MAN1C1: variants seen among roughly 807,000 people sequenced by gnomAD.
MAN1C1 encodes mannosyl-oligosaccharide 1,2-alpha-mannosidase IC.
Under a neutral mutation model 71.5 loss-of-function variants are expected in MAN1C1, and 49 were observed. The observed-to-expected ratio is 0.69, with a 90% CI of 0.54 to 0.87. The LOEUF (loss-of-function observed/expected upper bound fraction) is 0.87, where lower values mean the gene tolerates loss of function less well. Among genes scored for constraint, MAN1C1 ranks in the 40% least tolerant of loss-of-function variants. The pLI, the probability that MAN1C1 is intolerant of heterozygous loss-of-function variation, is 0.00. For missense variants in MAN1C1, 743 were observed against 835.0 expected, an observed-to-expected ratio of 0.89 and a Z score of 1.36; for synonymous variants, 352 against 343.7, an observed-to-expected ratio of 1.02 and a Z score of -0.27.
In MAN1C1 at chr1:25,769,343, C is replaced by T. The variant is rs1300398004; in HGVS notation, c.1142-2314C>T. Among the ~76,000 whole-genome samples the T allele has an allele frequency of 6.6e-6, 1 of 151,152 alleles. No individual in the cohort carries two copies. Among genetic ancestry groups the T allele is most frequent in the African/African-American group, 2.5e-5 (1 of 40,802 alleles). ...CCCATACACCTACATACACCACACA[C>T]ATTCATTCACCACACATACACACTC... On this transcript the variant is annotated intron_variant, in intron 7 of 11. Transcript: ENST00000374332. This position sits in a 1 kb window ranked among gnomAD's most constrained non-coding sequence, Gnocchi z 4.8.
At chr1:25,644,743 A>T (rs1181459865) in intron 1 of MAN1C1, 2 of 150,796 alleles carry the variant, frequency 1.3e-5, no homozygotes, top group Non-Finnish European at 2.9e-5. Context: ...CTGGTTTTGA[A>T]CTCTTGGGCT....
At chr1:25,762,554 G>A (rs1273607624) in intron 6 of MAN1C1, among the ~76,000 whole-genome samples, 1 of 151,914 alleles carries the variant, frequency 6.6e-6, no homozygotes, top group Non-Finnish European at 1.5e-5. Context: ...CACCTCCAGA[G>A]TAGCTAAGAT....
At chr1:25,677,594 C>G (rs942151922) in intron 1 of MAN1C1, among the ~76,000 whole-genome samples, 3 of 152,128 alleles carry the variant, frequency 2.0e-5, no homozygotes, top group Non-Finnish European at 4.4e-5. Context: ...TTTCCCCAGT[C>G]AGCTACTGCA....
chr1:25,705,172 A>G (rs2046503585), intron 2 of MAN1C1, among the ~76,000 whole-genome samples: 1 of 152,276 alleles, frequency 6.6e-6, no homozygotes, highest in South Asian at 2.1e-4. Context: ...ACAAACAAGA[A>G]CCAGAAGGAA....
chr1:25,691,944 C>T (rs573357768), intron 2 of MAN1C1, among the ~76,000 whole-genome samples: 1 of 152,132 alleles, frequency 6.6e-6, no homozygotes, highest in Admixed American at 6.5e-5. Flanking sequence ...CTGTGTAGTC[C>T]GTGAGAAATT....
intron 1 of MAN1C1, among the ~76,000 whole-genome samples, chr1:25,661,508 C>T (rs182340789): frequency 6.6e-6 from 1 of 152,338 alleles, no homozygotes; most frequent in East Asian, 1.9e-4. Context: ...TGCTCTCCCC[C>T]ACCGAGGGTG....
chr1:25,672,294 G>A (rs894364047), intron 1 of MAN1C1, among the ~76,000 whole-genome samples: 6 of 152,188 alleles, frequency 3.9e-5, no homozygotes, highest in African/African-American at 7.2e-5. Context: ...TACATTGGGC[G>A]AGGGCGGGCC....
intron 2 of MAN1C1, among the ~76,000 whole-genome samples, chr1:25,690,485 G>T (rs2046294162): frequency 1.3e-5 from 2 of 152,152 alleles, no homozygotes; most frequent in Non-Finnish European, 2.9e-5. Context: ...TAGAGACGGG[G>T]TTTCACCATG....
At chr1:25,684,182 G>A (rs1485445416) in intron 1 of MAN1C1, among the ~76,000 whole-genome samples, 5 of 148,278 alleles carry the variant, frequency 3.4e-5, no homozygotes, top group South Asian at 4.3e-4. Context: ...GCTTGCCCCC[G>A]CCAGCCCCCC....
rs1230003245 is a variant in MAN1C1 at position 25,733,594 on chromosome 1, G to A, written c.638-13074G>A. On this transcript the variant is annotated intron_variant, in intron 2 of 11. Coordinates refer to ENST00000374332, the MANE Select transcript of MAN1C1 (RefSeq NM_020379.4). ...CACTCTGTTTTTCTGCATCACACAC[G>A]TTACATTTAGATGTGTCTCTGTGTG... 2.6e-5 allele frequency among the ~76,000 whole-genome samples: 4 copies of A among 151,928 alleles called. No individual in the cohort carries two copies. The South Asian group carries it at 6.2e-4, about 24-fold the overall frequency.
chr1:25,660,396 C>CTTTTTTTTT (rs1178878513), intron 1 of MAN1C1, among the ~76,000 whole-genome samples: 2 of 97,602 alleles, frequency 2.0e-5, no homozygotes, highest in African/African-American at 4.8e-5. Flanking sequence ...AGTGAAATTC[C>CTTTTTTTTT]TTTTTTTTTT....
At chr1:25,780,033 G>A (rs1366360840) in intron 9 of MAN1C1, among the ~76,000 whole-genome samples, 1 of 152,094 alleles carries the variant, frequency 6.6e-6, no homozygotes, top group Non-Finnish European at 1.5e-5. Context: ...CCTAGGAGAG[G>A]CATCAGACAC....
intron 2 of MAN1C1, among the ~76,000 whole-genome samples, chr1:25,707,976 C>G (rs886633031): frequency 2.6e-5 from 4 of 152,186 alleles, no homozygotes; most frequent in Non-Finnish European, 4.4e-5. Flanking sequence ...TGTAGGAGAG[C>G]AGCTGTTTGC....
At chr1:25,731,414 A>C (rs1475949987) in intron 2 of MAN1C1, among the ~76,000 whole-genome samples, 1 of 152,194 alleles carries the variant, frequency 6.6e-6, no homozygotes, top group Non-Finnish European at 1.5e-5. Flanking sequence ...GTCCATTTAC[A>C]TTTAAGGAAA....
intron 6 of MAN1C1, 149 bp downstream of exon 6, chr1:25,758,858 A>T (rs889364835): frequency 1.4e-6 from 1 of 707,872 alleles, no homozygotes; most frequent in Non-Finnish European, 2.5e-6. Context: ...TAAGGTAGCA[A>T]ATAGTAGCTA....
At chr1:25,648,888 G>A (rs1180466242) in intron 1 of MAN1C1, among the ~76,000 whole-genome samples, 1 of 152,210 alleles carries the variant, frequency 6.6e-6, no homozygotes, top group African/African-American at 2.4e-5. Context: ...CAAGAGCAAA[G>A]AGAAGGGAAG....
intron 8 of MAN1C1, 115 bp downstream of exon 8, chr1:25,771,887 C>A: frequency 1.4e-6 from 1 of 736,438 alleles, no homozygotes. Flanking sequence ...TTGCTCCCAC[C>A]CCCTGCAATG....
chr1:25,653,692 G>C (rs1418867791), intron 1 of MAN1C1, among the ~76,000 whole-genome samples: 1 of 152,146 alleles, frequency 6.6e-6, no homozygotes, highest in Non-Finnish European at 1.5e-5. Flanking sequence ...GTTTGGCCTT[G>C]GCTCCCCACA....
chr1:25,778,417 A>G lies in MAN1C1; in HGVS notation c.1477+93A>G, dbSNP rs576760586. ...CGGCAGCAGTGAGCGAAGGGAGCAC[A>G]TGGCCTTAGGGAAGCCTCCCCTTGG... On this transcript the variant is annotated intron_variant, in intron 9 of 11. Transcript: ENST00000374332. This position sits in a 1 kb window ranked among gnomAD's most constrained non-coding sequence, Gnocchi z 5.5. The G allele has an allele frequency of 6.8e-4, 886 of 1,305,606 alleles. 19 individuals carry two copies. The South Asian group carries it at 0.012, about 18-fold the overall frequency. 80.9% of individuals were successfully genotyped at this position (1,305,606 alleles called of 1,614,324 possible). A position where few individuals can be genotyped will look rare whatever the true frequency, so the allele number is the denominator to read the frequency against.
Sources: gnomAD v4.1 joint callset for allele counts (sites outside exome capture counted in the v4.1 genomes callset) on GRCh38, gnomAD v4.1.1 for gene constraint, Gnocchi (gnomAD v3.1) non-coding constraint, MANE v1.5 for transcripts, NCBI Gene and HGNC (gene_info 2026-07-23, HGNC 2026-07-21) for gene names.